PPFIA2: variants seen among roughly 807,000 people sequenced by gnomAD.
The protein encoded by PPFIA2 is liprin-alpha-2.
Under a neutral mutation model 175.5 loss-of-function variants are expected in PPFIA2, and 46 were observed. That is an observed-to-expected ratio of 0.26 (90% confidence interval 0.21 to 0.34). The LOEUF (loss-of-function observed/expected upper bound fraction) is 0.34, where lower values mean the gene tolerates loss of function less well. PPFIA2 is among the 10% of genes least tolerant of loss of function. The pLI, the probability that PPFIA2 is intolerant of heterozygous loss-of-function variation, is 1.00. For missense variants in PPFIA2, 1,179 were observed against 1,506.1 expected (o/e 0.78, Z 3.60); for synonymous variants, 568 against 511.4 (o/e 1.11, Z -1.49).
intron 18 of PPFIA2, among the ~76,000 whole-genome samples, chr12:81,345,951 T>C (rs926932273): frequency 6.6e-6 from 1 of 152,182 alleles, no homozygotes; most frequent in African/African-American, 2.4e-5. Context: ...GCATTTTTTC[T>C]GGTTGGCCAT....
chr12:81,620,817 T>C (rs2061968425), intron 4 of PPFIA2, among the ~76,000 whole-genome samples: 1 of 152,154 alleles, frequency 6.6e-6, no homozygotes, highest in Admixed American at 6.5e-5. Flanking sequence ...ATGTAAACAT[T>C]CCTCTGACAT....
intron 32 of PPFIA2, chr12:81,259,993 T>C (rs992948274): frequency 4.9e-6 from 1 of 202,622 alleles, no homozygotes; most frequent in African/African-American, 2.3e-5. Context: ...AATTGACCTA[T>C]TTCATAATGT....
chr12:81,570,596 T>TG (rs1452253301), intron 4 of PPFIA2, among the ~76,000 whole-genome samples: 2 of 151,964 alleles, frequency 1.3e-5, no homozygotes, highest in Non-Finnish European at 2.9e-5. Flanking sequence ...TATGCAATCT[T>TG]GGTTTTAAAA....
At chr12:81,326,893 A>C (rs2054892581) in intron 21 of PPFIA2, among the ~76,000 whole-genome samples, 1 of 152,120 alleles carries the variant, frequency 6.6e-6, no homozygotes, top group African/African-American at 2.4e-5. Flanking sequence ...CTATGCAAGA[A>C]ATTTCATCAC....
chr12:81,574,098 A>G (rs944239411), intron 4 of PPFIA2, among the ~76,000 whole-genome samples: 2 of 151,836 alleles, frequency 1.3e-5, no homozygotes, highest in Admixed American at 6.6e-5. Context: ...TAACAATACA[A>G]AAATAGTTAT....
chr12:81,485,630 T>G (rs1593773307), intron 4 of PPFIA2, among the ~76,000 whole-genome samples: 1 of 151,900 alleles, frequency 6.6e-6, no homozygotes, highest in Non-Finnish European at 1.5e-5. Context: ...GAATCACAAG[T>G]TCACATGAAA....
chr12:81,664,295 C>A (rs2069628668), intron 4 of PPFIA2, among the ~76,000 whole-genome samples: 1 of 151,970 alleles, frequency 6.6e-6, no homozygotes, highest in African/African-American at 2.4e-5. Context: ...ACTCATCTGA[C>A]AAAGGGCTAA....
Position 81,325,767 on chromosome 12 carries a change from C to G in PPFIA2, c.2642+10G>C, listed in dbSNP as rs2054630181. On this transcript the variant is annotated intron_variant, in intron 22 of 32. Coordinates refer to ENST00000549396, the MANE Select transcript of PPFIA2 (RefSeq NM_003625.5). ...AAGTTAGAAAAAGAGGGAAAAATCCCCAAACCTACTTTTTCTTTAGTCTTC... is the reference window on the plus strand; with the variant it reads ...AAGTTAGAAAAAGAGGGAAAAATCCGCAAACCTACTTTTTCTTTAGTCTTC... 10 of 1,601,630 alleles carry G rather than the reference C, an allele frequency of 6.2e-6. No individual in the cohort carries two copies. Among genetic ancestry groups the G allele is most frequent in the Non-Finnish European group, 8.5e-6 (10 of 1,169,676 alleles).
intron 4 of PPFIA2, among the ~76,000 whole-genome samples, chr12:81,660,444 T>A (rs1043498163): frequency 2.6e-5 from 4 of 152,024 alleles, no homozygotes; most frequent in Admixed American, 2.6e-4. Context: ...AGAAAGGGTA[T>A]CAGCGATGGA....
intron 22 of PPFIA2, among the ~76,000 whole-genome samples, chr12:81,314,262 T>G (rs1311360739): frequency 6.6e-6 from 1 of 151,928 alleles, no homozygotes; most frequent in Non-Finnish European, 1.5e-5. Flanking sequence ...AGAAGTTTTT[T>G]CTGATTAATT....
chr12:81,610,106 G>A (rs1032115970), intron 4 of PPFIA2, among the ~76,000 whole-genome samples: 13 of 152,012 alleles, frequency 8.6e-5, no homozygotes, highest in Non-Finnish European at 1.5e-4. Flanking sequence ...TATCTCTTCC[G>A]GCAAGTAGGA....
chr12:81,407,656 C>T (rs1459420705), intron 7 of PPFIA2, among the ~76,000 whole-genome samples: 3 of 152,054 alleles, frequency 2.0e-5, no homozygotes, highest in Non-Finnish European at 4.4e-5. Flanking sequence ...CCTTTCCATC[C>T]CTCAAACATA....
At chr12:81,706,265 T>A (rs1281882063) in intron 3 of PPFIA2, among the ~76,000 whole-genome samples, 1 of 152,220 alleles carries the variant, frequency 6.6e-6, no homozygotes, top group East Asian at 1.9e-4. Context: ...ATGTACTGCA[T>A]AAGTATTGTC....
intron 4 of PPFIA2, among the ~76,000 whole-genome samples, chr12:81,534,567 A>G (rs2065110173): frequency 6.6e-6 from 1 of 151,748 alleles, no homozygotes; most frequent in African/African-American, 2.4e-5. Flanking sequence ...AAAAAAGACT[A>G]TAAGGGACCC....
At position 81,303,816 on chromosome 12, in the gene PPFIA2, A is replaced by G. The variant is rs140139750; in HGVS notation, c.2643-4434T>C. 1.9e-3 allele frequency among the ~76,000 whole-genome samples: 287 copies of G among 152,338 alleles called. 1 individual carries two copies. Among genetic ancestry groups the G allele is most frequent in the Non-Finnish European group, 3.3e-3 (225 of 68,020 alleles). ...TCTAGATAAAAGACCAATAGGTTCT[A>G]GAAAATGTATATAAATTAGAAGCAT... is the stretch of plus-strand genomic sequence containing the variant. On this transcript the variant is annotated intron_variant, in intron 22 of 32. Transcript: ENST00000549396.
chr12:81,319,839 G>T (rs1228784163), intron 22 of PPFIA2, among the ~76,000 whole-genome samples: 1 of 151,868 alleles, frequency 6.6e-6, no homozygotes, highest in Non-Finnish European at 1.5e-5. Flanking sequence ...TGTTGTTTCT[G>T]TAATCTGTGA....
intron 7 of PPFIA2, among the ~76,000 whole-genome samples, chr12:81,420,095 C>T (rs1027925276): frequency 6.6e-6 from 1 of 152,156 alleles, no homozygotes. Flanking sequence ...CTGCTGCCCA[C>T]TCCTGGAGCT....
chr12:81,476,242 G>C (rs900250834), intron 4 of PPFIA2, among the ~76,000 whole-genome samples: 37 of 152,310 alleles, frequency 2.4e-4, no homozygotes, highest in African/African-American at 8.4e-4. Context: ...TTTCATGAAA[G>C]TGATGTTGAG....
chr12:81,628,865 A>G (rs2063034284), intron 4 of PPFIA2, among the ~76,000 whole-genome samples: 5 of 152,170 alleles, frequency 3.3e-5, no homozygotes, highest in Admixed American at 2.6e-4. Flanking sequence ...TTCAGAAGCC[A>G]TTCTTTTTAG....
Sources: allele counts gnomAD v4.1 joint callset (sites outside exome capture counted in the v4.1 genomes callset), GRCh38; gene constraint gnomAD v4.1.1; transcripts MANE v1.5; gene names NCBI Gene and HGNC (gene_info 2026-07-23, HGNC 2026-07-21).